FAM20B: variants seen among roughly 807,000 people sequenced by gnomAD.
The protein encoded by FAM20B is glycosaminoglycan xylosylkinase.
Under a neutral mutation model 43.8 loss-of-function variants are expected in FAM20B, and 23 were observed. The observed-to-expected ratio is 0.53, with a 90% CI of 0.38 to 0.74. The LOEUF (loss-of-function observed/expected upper bound fraction) is 0.74. Among genes scored for constraint, FAM20B ranks in the 30% least tolerant of loss-of-function variants. The probability of loss-of-function intolerance (pLI) is 0.00; values close to 1 mark genes in which losing one functional copy is unlikely to be tolerated. For synonymous variants in FAM20B, 178 were observed against 192.4 expected (o/e 0.93, Z 0.62); for missense variants, 440 against 510.5 (o/e 0.86, Z 1.33).
intron 1 of FAM20B, 145 bp from the exon 2 acceptor site, chr1:179,043,570 T>G: frequency 1.6e-5 from 5 of 308,340 alleles, no homozygotes; most frequent in East Asian, 6.1e-5. Flanking sequence ...CTTCTCCAGA[T>G]TAGTTAATTT....
chr1:179,068,481 G>T (rs1223048928), intron 7 of FAM20B, among the ~76,000 whole-genome samples: 1 of 152,002 alleles, frequency 6.6e-6, no homozygotes, highest in Non-Finnish European at 1.5e-5. Flanking sequence ...TGTCACCCAG[G>T]CTAGAGTACA....
intron 1 of FAM20B, among the ~76,000 whole-genome samples, chr1:179,040,422 C>T: frequency 6.6e-6 from 1 of 150,888 alleles, no homozygotes; most frequent in South Asian, 2.1e-4. Context: ...CTCCTCACTT[C>T]CCAGTAGGGG....
chr1:179,018,203 C>G, the FAM20B span, among the ~76,000 whole-genome samples: 10 of 152,234 alleles, frequency 6.6e-5, no homozygotes, highest in African/African-American at 2.4e-4. Flanking sequence ...TTATGCCTCT[C>G]TGCCCTATGA....
At chr1:179,040,922 C>T in intron 1 of FAM20B, among the ~76,000 whole-genome samples, 1 of 151,358 alleles carries the variant, frequency 6.6e-6, no homozygotes, top group East Asian at 2.0e-4. Flanking sequence ...AGAGACGCTC[C>T]TCACCTCCCA....
upstream of FAM20B, among the ~76,000 whole-genome samples, chr1:179,021,748 C>T (rs142889642): frequency 2.6e-5 from 4 of 152,056 alleles, no homozygotes; most frequent in Admixed American, 2.6e-4. Flanking sequence ...AAGAAAACAT[C>T]CCGTATTACT....
chr1:179,040,711 AC>A (rs1233682022), intron 1 of FAM20B, among the ~76,000 whole-genome samples: 2 of 72,866 alleles, frequency 2.7e-5, no homozygotes, highest in Non-Finnish European at 5.3e-5. Flanking sequence ...GCGGGGGCTG[AC>A]CCCCCACCTC....
At chr1:179,030,456 T>C (rs2102480997) in intron 1 of FAM20B, among the ~76,000 whole-genome samples, 1 of 152,308 alleles carries the variant, frequency 6.6e-6, no homozygotes, top group Non-Finnish European at 1.5e-5. Context: ...TTTTAGCATT[T>C]CCAAATTGTC....
intron 7 of FAM20B, among the ~76,000 whole-genome samples, chr1:179,070,770 C>T (rs995314514): frequency 2.6e-5 from 4 of 151,468 alleles, no homozygotes; most frequent in Non-Finnish European, 4.4e-5. Flanking sequence ...GGGCCCACCT[C>T]GGCCTCCCAA....
rs1651701950 is a variant in FAM20B, at chr1:179,066,681, C to T, written c.939-119C>T. On this transcript the variant is annotated intron_variant, in intron 6 of 7. Coordinates refer to ENST00000263733, the MANE Select transcript of FAM20B (RefSeq NM_014864.4). ...TTTTCAATTTAAGTGATTTGAGCTG[C>T]TGGAGCGTGAAATTATCTAGGATCA... 4.2e-6 allele frequency: 3 copies of T among 706,936 alleles called. No homozygotes were observed. The South Asian group carries it at 5.1e-5, about 12-fold the overall frequency. The allele number at this position is 706,936 out of a possible 1,614,324, so 43.8% of individuals were successfully genotyped here. A position where few individuals can be genotyped will look rare whatever the true frequency, so the allele number is the denominator to read the frequency against.
At position 179,066,893 on chromosome 1, in the gene FAM20B, T is replaced by C. The variant is rs772977525; in HGVS notation, c.998+34T>C. ...TGCACAGCAAATACATGTGCCTGCA[T>C]TGCCTTCTTTTCCAGGCTCAGGTAA... On this transcript the variant is annotated intron_variant, in intron 7 of 7. Transcript: ENST00000263733. The C allele has an allele frequency of 1.5e-5, 22 of 1,465,656 alleles. No homozygotes were observed. In the Admixed American group the frequency reaches 3.7e-4, roughly 25 times the overall value. 90.8% of individuals were successfully genotyped at this position (1,465,656 alleles called of 1,614,324 possible).
intron 1 of FAM20B, among the ~76,000 whole-genome samples, chr1:179,034,358 G>T (rs1572530010): frequency 2.0e-5 from 3 of 152,198 alleles, no homozygotes. Flanking sequence ...CCAGATTCAA[G>T]GGGAGGAAAA....
At chr1:179,048,377 T>C (rs1034993281) in intron 2 of FAM20B, among the ~76,000 whole-genome samples, 4 of 152,218 alleles carry the variant, frequency 2.6e-5, no homozygotes, top group Non-Finnish European at 4.4e-5. Context: ...TTGATTCTTA[T>C]TCCTTTTCTC....
At chr1:179,034,112 G>A (rs1650120181) in intron 1 of FAM20B, among the ~76,000 whole-genome samples, 1 of 152,224 alleles carries the variant, frequency 6.6e-6, no homozygotes. Context: ...GAATGTCCTT[G>A]AAAGTGTCAT....
intron 1 of FAM20B, among the ~76,000 whole-genome samples, chr1:179,030,859 T>C (rs2102481428): frequency 6.6e-6 from 1 of 151,696 alleles, no homozygotes; most frequent in South Asian, 2.1e-4. Flanking sequence ...ACACAATATA[T>C]TAGAAGAGAC....
intron 3 of FAM20B, among the ~76,000 whole-genome samples, chr1:179,051,539 A>G (rs1328916155): frequency 6.6e-6 from 1 of 151,978 alleles, no homozygotes; most frequent in African/African-American, 2.4e-5. Context: ...AGGAGGGAGG[A>G]TTGCTTGAGC....
At chr1:179,063,010 C>T (rs1425518167) in intron 4 of FAM20B, among the ~76,000 whole-genome samples, 1 of 152,162 alleles carries the variant, frequency 6.6e-6, no homozygotes, top group Non-Finnish European at 1.5e-5. Context: ...GGCGCGGTAG[C>T]TCACACCTGT....
intron 4 of FAM20B, among the ~76,000 whole-genome samples, chr1:179,056,338 T>C (rs1209009296): frequency 6.6e-6 from 1 of 152,268 alleles, no homozygotes; most frequent in Non-Finnish European, 1.5e-5. Flanking sequence ...ACTGATCTTT[T>C]TACTGTCTGC....
chr1:179,050,974 T>G (rs748097031), intron 3 of FAM20B, among the ~76,000 whole-genome samples: 8 of 151,346 alleles, frequency 5.3e-5, no homozygotes, highest in Non-Finnish European at 1.0e-4. Context: ...TACAAAAAAT[T>G]AGCTGGGCGT....
chr1:179,044,550 A>C lies in FAM20B; in HGVS notation c.377+326A>C, dbSNP rs542854732. On this transcript the variant is annotated intron_variant, in intron 2 of 7. Coordinates refer to ENST00000263733, the MANE Select transcript of FAM20B (RefSeq NM_014864.4). ...AATGTAATATAGTTGCAATCACAGA[A>C]TGTAAGCCCTTTCAGATTGGCTTCT... is the stretch of plus-strand genomic sequence containing the variant. Among the ~76,000 whole-genome samples the C allele has an allele frequency of 5.0e-4, 76 of 152,344 alleles. No individual in the cohort carries two copies. The South Asian group carries it at 5.2e-3, about 10-fold the overall frequency.
Sources: gnomAD v4.1 joint callset for allele counts (sites outside exome capture counted in the v4.1 genomes callset) on GRCh38, gnomAD v4.1.1 for gene constraint, MANE v1.5 for transcripts, NCBI Gene and HGNC (gene_info 2026-07-23, HGNC 2026-07-21) for gene names.